The following PCDHGA8 variants were observed in gnomAD, a reference collection of about 807,000 sequenced individuals.
The protein encoded by PCDHGA8 is protocadherin gamma subfamily A, 8.
A neutral mutation model predicts 59.2 loss-of-function variants in PCDHGA8; 45 were observed. That is an observed-to-expected ratio of 0.76 (90% CI 0.60 to 0.98). PCDHGA8 has a LOEUF of 0.98. PCDHGA8 is among the 50% of genes least tolerant of loss of function. PCDHGA8 has a pLI of 0.00. For synonymous variants in PCDHGA8, 531 were observed against 519.0 expected (o/e 1.02, Z -0.32); for missense variants, 1,257 against 1,196.2 (o/e 1.05, Z -0.75).
intron 1 of PCDHGA8, chr5:141,410,277 T>A (rs1461250700): frequency 1.9e-6 from 3 of 1,613,896 alleles, no homozygotes; most frequent in Non-Finnish European, 2.5e-6. Context: ...CAGTTTTACC[T>A]GGTGGTGGCC....
chr5:141,478,509 G>C, intron 1 of PCDHGA8: 1 of 1,611,878 alleles, frequency 6.2e-7, no homozygotes, highest in Non-Finnish European at 8.5e-7. Context: ...GTGTTCTATA[G>C]GCAGGTGTTG....
intron 1 of PCDHGA8, among the ~76,000 whole-genome samples, chr5:141,444,253 C>T (rs2154560603): frequency 7.0e-6 from 1 of 142,690 alleles, no homozygotes; most frequent in South Asian, 2.3e-4. Flanking sequence ...CTCACTGCAA[C>T]CTCCGCCTCC....
chr5:141,394,218 G>C lies in PCDHGA8; in HGVS notation c.1405G>C (p.Ala469Pro). 6.2e-7 allele frequency: 1 copy of C among 1,613,918 alleles called. No homozygotes were observed. Among genetic ancestry groups the C allele is most frequent in the Non-Finnish European group, 8.5e-7 (1 of 1,179,876 alleles). The stretch of plus-strand genomic sequence containing the variant: ...TATCCTAGAGAACAACCTGAGAGGA[G>C]CCTCCATCTTTTCCTTGACTGCACA... ...AYILENNLRG[A>P]SIFSLTAHDP... The change falls in exon 1 of 4, where the codon GCC (alanine) becomes CCC (proline). Residue 469 changes from alanine to proline, a missense_variant. Coordinates refer to ENST00000398604, the MANE Select transcript of PCDHGA8 (RefSeq NM_032088.2).
At chr5:141,500,190 TTA>T (rs551092091) in intron 2 of PCDHGA8, among the ~76,000 whole-genome samples, 3 of 110,960 alleles carry the variant, frequency 2.7e-5, no homozygotes, top group Non-Finnish European at 3.9e-5. Context: ...TTATTTTTAT[TTA>T]TTTATTTATT....
rs374663576 is a variant in PCDHGA8, at chr5:141,489,905, G to T, written c.2425-4902G>T. On this transcript the variant is annotated intron_variant, in intron 1 of 3. Coordinates refer to ENST00000398604, the MANE Select transcript of PCDHGA8 (RefSeq NM_032088.2). The surrounding 1 kb of genome is among the most constrained non-coding windows in gnomAD (Gnocchi z 4.5). ...GCTGTGGATGGGGGGACCCCAGCCC[G>T]CTCAGGGACCACCCTTATCTCTGTC... The T allele has an allele frequency of 9.7e-5, 156 of 1,614,226 alleles. 3 individuals are homozygous for T. The South Asian group carries it at 1.6e-3, about 16-fold the overall frequency.
chr5:141,492,296 G>GACGC lies in PCDHGA8; in HGVS notation c.2425-2500_2425-2497dup, dbSNP rs540417011. 9.7e-4 allele frequency among the ~76,000 whole-genome samples: 148 copies of GACGC among 152,328 alleles called. 2 individuals are homozygous for GACGC. In the South Asian group the frequency reaches 0.014, roughly 14 times the overall value. ...GCCACGCCCCGCCAACACGTGCGCGGACGCACGCACGCACTCCTCGCACGT... is the reference window on the plus strand; with the variant it reads ...GCCACGCCCCGCCAACACGTGCGCGGACGCACGCACGCACGCACTCCTCGCACGT... On this transcript the variant is annotated intron_variant, in intron 1 of 3. Transcript: ENST00000398604.
chr5:141,451,874 C>T (rs1264178631), intron 1 of PCDHGA8, among the ~76,000 whole-genome samples: 1 of 151,956 alleles, frequency 6.6e-6, no homozygotes, highest in Non-Finnish European at 1.5e-5. Context: ...GAATGAAACC[C>T]TGTCAAGAAA....
Position 141,409,599 on chromosome 5 carries a change from C to A in PCDHGA8, c.2424+14362C>A, listed in dbSNP as rs753753955. The A allele has an allele frequency of 9.9e-6, 16 of 1,613,822 alleles. No individual in the cohort carries two copies. The Admixed American group carries it at 2.2e-4, about 22-fold the overall frequency. ...GTGGTCCACGTGGCCGAGAACAACC[C>A]GCCAGGAGCCTCCATTGCGCAAGTG... On this transcript the variant is annotated intron_variant, in intron 1 of 3. Transcript: ENST00000398604.
intron 1 of PCDHGA8, chr5:141,404,821 A>C: frequency 6.2e-7 from 1 of 1,613,788 alleles, no homozygotes; most frequent in Non-Finnish European, 8.5e-7. Flanking sequence ...GGCTGCACAC[A>C]GGTGAAGTGC....
intron 1 of PCDHGA8, chr5:141,479,537 T>C (rs1299169562): frequency 6.6e-6 from 1 of 152,230 alleles, no homozygotes; most frequent in Non-Finnish European, 1.5e-5. Context: ...GTGGAGAAGG[T>C]CAAAACTGCT....
chr5:141,432,615 T>G lies in PCDHGA8; in HGVS notation c.2424+37378T>G. ...GCCAGCGAGCCGGGACTCTTCTCGG[T>G]GGGTCTGCACACGGGCGAGGTGCGC... On this transcript the variant is annotated intron_variant, in intron 1 of 3. Coordinates refer to ENST00000398604, the MANE Select transcript of PCDHGA8 (RefSeq NM_032088.2). The surrounding 1 kb of genome is among the most constrained non-coding windows in gnomAD (Gnocchi z 6.0). The G allele has an allele frequency of 2.5e-6, 4 of 1,613,820 alleles. No homozygotes were observed. The highest frequency in any genetic ancestry group is 1.1e-5 in the South Asian group (1 of 91,054).
chr5:141,421,527 GTCC>G (rs2096581302), intron 1 of PCDHGA8: 1 of 1,614,050 alleles, frequency 6.2e-7, no homozygotes, highest in African/African-American at 1.3e-5. Flanking sequence ...GTGAGACGGT[GTCC>G]TCCTGTTTTT....
At position 141,490,688 on chromosome 5, in the gene PCDHGA8, C is replaced by A; in HGVS notation, c.2425-4119C>A. ...ACTGTGGCTGCCTCAGATCCAGACA[C>A]TGGGGATAATGCCCGCCTCACCTAC... On this transcript the variant is annotated intron_variant, in intron 1 of 3. Coordinates refer to ENST00000398604, the MANE Select transcript of PCDHGA8 (RefSeq NM_032088.2). The surrounding 1 kb of genome is among the most constrained non-coding windows in gnomAD (Gnocchi z 5.4). The A allele has an allele frequency of 6.2e-7, 1 of 1,614,218 alleles. No individual in the cohort carries two copies. The highest frequency in any genetic ancestry group is 8.5e-7 in the Non-Finnish European group (1 of 1,180,032).
chr5:141,396,584 C>T (rs2093399172), intron 1 of PCDHGA8: 1 of 151,318 alleles, frequency 6.6e-6, no homozygotes, highest in Non-Finnish European at 1.5e-5. Flanking sequence ...CCTGTCACTG[C>T]ACTCCAGCCT....
chr5:141,407,548 G>A (rs2094952527), intron 1 of PCDHGA8, among the ~76,000 whole-genome samples: 1 of 151,388 alleles, frequency 6.6e-6, no homozygotes, highest in Non-Finnish European at 1.5e-5. Context: ...GTAACAGATT[G>A]TAGAACATAA....
chr5:141,503,181 A>C (rs532503504), intron 2 of PCDHGA8, among the ~76,000 whole-genome samples: 54 of 152,060 alleles, frequency 3.6e-4, no homozygotes, highest in African/African-American at 1.3e-3. Context: ...TCTATTGTGT[A>C]ATTATTTAAA....
rs1187459113 is a variant in PCDHGA8 at position 141,487,187 on chromosome 5, G to A, written c.2425-7620G>A. On this transcript the variant is annotated intron_variant, in intron 1 of 3. Coordinates refer to ENST00000398604, the MANE Select transcript of PCDHGA8 (RefSeq NM_032088.2). This position sits in a 1 kb window ranked among gnomAD's most constrained non-coding sequence, Gnocchi z 5.0. The stretch of plus-strand genomic sequence containing the variant: ...GTCCTTAGAGGAAGACACTCATCCA[G>A]TTGTCCCAGATCTTCGAGAATCTTC... 1.2e-6 allele frequency: 2 copies of A among 1,613,826 alleles called. No homozygotes were observed. Among genetic ancestry groups the A allele is most frequent in the Admixed American group, 3.3e-5 (2 of 60,024 alleles).
At position 141,432,172 on chromosome 5, in the gene PCDHGA8, C is replaced by A. The variant is rs562175068; in HGVS notation, c.2424+36935C>A. ...AGAACAATCCCAGAGGAGTTTCCCT[C>A]GTCTCTGTGACCGCCCACGACCCCG... On this transcript the variant is annotated intron_variant, in intron 1 of 3. Coordinates refer to ENST00000398604, the MANE Select transcript of PCDHGA8 (RefSeq NM_032088.2). This position sits in a 1 kb window ranked among gnomAD's most constrained non-coding sequence, Gnocchi z 6.0. 5 of 1,614,152 alleles carry A rather than the reference C, an allele frequency of 3.1e-6. No homozygotes were observed. The South Asian group carries it at 4.4e-5, about 14-fold the overall frequency.
chr5:141,399,660 C>T (rs988885728), intron 1 of PCDHGA8: 2 of 1,613,654 alleles, frequency 1.2e-6, no homozygotes, highest in East Asian at 2.2e-5. Context: ...GGGTGGTGTT[C>T]GCGCAGCGCG....
Sources: gnomAD v4.1 joint callset for allele counts (sites outside exome capture counted in the v4.1 genomes callset) on GRCh38, gnomAD v4.1.1 for gene constraint, Gnocchi (gnomAD v3.1) non-coding constraint, MANE v1.5 for transcripts, NCBI Gene and HGNC (gene_info 2026-07-23, HGNC 2026-07-21) for gene names.